The following MYBL2 variants were observed in gnomAD, a reference collection of about 807,000 sequenced individuals.
MYBL2 encodes the protein myb-related protein B.
A neutral mutation model predicts 79.9 loss-of-function variants in MYBL2; 28 were observed. That is an observed-to-expected ratio of 0.35 (90% CI 0.26 to 0.48). The LOEUF (loss-of-function observed/expected upper bound fraction) is 0.48, where lower values mean the gene tolerates loss of function less well. Ranked by LOEUF, MYBL2 falls within the 20% of genes least tolerant of loss-of-function variation. The probability of loss-of-function intolerance (pLI) is 0.99; values close to 1 mark genes in which losing one functional copy is unlikely to be tolerated. For synonymous variants in MYBL2, 378 were observed against 361.2 expected (o/e 1.05, Z -0.53); for missense variants, 735 against 893.9 (o/e 0.82, Z 2.27).
intron 2 of MYBL2, among the ~76,000 whole-genome samples, chr20:43,678,027 A>G (rs1987052185): frequency 6.6e-6 from 1 of 152,200 alleles, no homozygotes; most frequent in African/African-American, 2.4e-5. Flanking sequence ...GCTCTCTGAA[A>G]CGTGCTGTGT....
intron 2 of MYBL2, among the ~76,000 whole-genome samples, chr20:43,676,343 T>C (rs2145709205): frequency 6.7e-6 from 1 of 149,814 alleles, no homozygotes; most frequent in South Asian, 2.2e-4. Context: ...AGTGTTTGGC[T>C]CTTACTTATA....
chr20:43,704,339 A>G (rs1374630564), intron 8 of MYBL2, among the ~76,000 whole-genome samples: 1 of 152,156 alleles, frequency 6.6e-6, no homozygotes, highest in African/African-American at 2.4e-5. Context: ...TAAAGGCCCT[A>G]TCTCCAAGTA....
intron 2 of MYBL2, among the ~76,000 whole-genome samples, chr20:43,678,866 AAAAAAAAAG>A (rs1287472527): frequency 7.4e-6 from 1 of 135,188 alleles, no homozygotes; most frequent in South Asian, 2.4e-4. Context: ...TCAAAAAAAA[AAAAAAAAAG>A]AAAAAAACAT....
Position 43,673,789 on chromosome 20 carries a change from G to GC in MYBL2, c.21-15dup. ...ATGGACACACCATCCTTGACCCTTG[G>GC]CCTGCTTTCCCCATAGCGAGGATCT... is the stretch of plus-strand genomic sequence containing the variant. On this transcript the variant is annotated splice_polypyrimidine_tract_variant and intron_variant, in intron 1 of 13. Transcript: ENST00000217026. 1 of 1,572,146 alleles carries GC rather than the reference G, an allele frequency of 6.4e-7. No individual in the cohort carries two copies. Among genetic ancestry groups the GC allele is most frequent in the Non-Finnish European group, 8.6e-7 (1 of 1,157,492 alleles).
rs185688214 is a variant in MYBL2, at chr20:43,706,269, A to G, written c.1505+911A>G. Among the ~76,000 whole-genome samples, 494 of 152,300 alleles carry G rather than the reference A, an allele frequency of 3.2e-3. 1 individual carries two copies. Among genetic ancestry groups the G allele is most frequent in the African/African-American group, 0.011 (473 of 41,574 alleles). The stretch of plus-strand genomic sequence containing the variant: ...GCAGGGCGAAAGTGCCCATCCCTCT[A>G]TCAAGAGTGGAGACTGCATTCCTGT... On this transcript the variant is annotated intron_variant, in intron 9 of 13. Transcript: ENST00000217026.
chr20:43,700,181 A>G, intron 7 of MYBL2, 137 bp downstream of exon 7: 1 of 1,189,808 alleles, frequency 8.4e-7, no homozygotes, highest in Non-Finnish European at 1.2e-6. Context: ...CCTAGCCCTG[A>G]CCCAAGGGCT....
chr20:43,689,497 A>C (rs187438380), intron 5 of MYBL2, among the ~76,000 whole-genome samples: 1 of 152,098 alleles, frequency 6.6e-6, no homozygotes, highest in Admixed American at 6.5e-5. Flanking sequence ...AGCTCTTCTC[A>C]GAGCTCCTAG....
At chr20:43,692,714 G>A (rs1987442297) in intron 6 of MYBL2, among the ~76,000 whole-genome samples, 1 of 152,110 alleles carries the variant, frequency 6.6e-6, no homozygotes, top group African/African-American at 2.4e-5. Flanking sequence ...CGGGCGGATT[G>A]CTCAAGCCCA....
At chr20:43,693,658 G>C (rs979781846) in intron 6 of MYBL2, among the ~76,000 whole-genome samples, 1 of 152,088 alleles carries the variant, frequency 6.6e-6, no homozygotes, top group African/African-American at 2.4e-5. Flanking sequence ...TTTTAAAAAT[G>C]AAATCAGTAT....
intron 10 of MYBL2, 30 bp downstream of exon 10, chr20:43,710,092 C>T (rs750182819): frequency 1.3e-6 from 2 of 1,545,320 alleles, no homozygotes; most frequent in Admixed American, 3.6e-5. Context: ...CCGTGGATCT[C>T]TGCACAGTGG....
At position 43,705,293 on chromosome 20, in the gene MYBL2, C is replaced by T; in HGVS notation, c.1440C>T (p.Ser480=). Residue 480 remains serine, a synonymous_variant, in exon 9 of 14, where the codon AGC becomes AGT. Transcript: ENST00000217026. ...CGCTGACATCCACCCCAGTGTGCAG[C>T]CAGAAGGTGGTGGTCACCACACCAC... The part of the protein sequence containing the change: ...SPSLTSTPVC[S]QKVVVTTPLH... The T allele has an allele frequency of 6.2e-7, 1 of 1,614,100 alleles. No individual in the cohort carries two copies. Among genetic ancestry groups the T allele is most frequent in the Non-Finnish European group, 8.5e-7 (1 of 1,180,000 alleles).
chr20:43,670,540 A>G (rs965780093), intron 1 of MYBL2, among the ~76,000 whole-genome samples: 1 of 152,130 alleles, frequency 6.6e-6, no homozygotes, highest in African/African-American at 2.4e-5. Context: ...TTGTATATTC[A>G]GTCAGTCCCT....
At chr20:43,705,388 C>T (rs376550572) in intron 9 of MYBL2, 30 bp downstream of exon 9, 11 of 1,569,400 alleles carry the variant, frequency 7.0e-6, no homozygotes, top group African/African-American at 4.1e-5. Context: ...CAACCTTCGC[C>T]GTCCTCTCCC....
intron 4 of MYBL2, among the ~76,000 whole-genome samples, chr20:43,684,578 G>A (rs1987223590): frequency 6.9e-6 from 1 of 144,730 alleles, no homozygotes; most frequent in Non-Finnish European, 1.5e-5. Context: ...GTCTTCCTAT[G>A]TTTTCCAGGC....
chr20:43,674,234 C>CTTTTTT (rs1555809925), intron 2 of MYBL2, among the ~76,000 whole-genome samples: 1 of 72,230 alleles, frequency 1.4e-5, no homozygotes. Context: ...TCCCCCCACC[C>CTTTTTT]TTTTTTTTTT....
intron 2 of MYBL2, among the ~76,000 whole-genome samples, chr20:43,675,143 C>G (rs1021699731): frequency 6.6e-6 from 1 of 151,580 alleles, no homozygotes; most frequent in African/African-American, 2.4e-5. Flanking sequence ...CCACGCCTGG[C>G]TAATTTTTGT....
intron 2 of MYBL2, among the ~76,000 whole-genome samples, chr20:43,676,600 C>T (rs1987015158): frequency 6.6e-6 from 1 of 152,176 alleles, no homozygotes; most frequent in South Asian, 2.1e-4. Context: ...CAGTTTTTGG[C>T]TATCGTGTAT....
chr20:43,681,657 T>G (rs12625831), intron 2 of MYBL2, 127 bp from the exon 3 acceptor site: 1 of 936,832 alleles, frequency 1.1e-6, no homozygotes, highest in Non-Finnish European at 1.7e-6. Flanking sequence ...CCTGGCACCT[T>G]GTACGTATTC....
intron 9 of MYBL2, among the ~76,000 whole-genome samples, chr20:43,708,465 T>C (rs1987837494): frequency 6.6e-6 from 1 of 152,086 alleles, no homozygotes; most frequent in Non-Finnish European, 1.5e-5. Context: ...ACAAGGTCTC[T>C]CTTAGTCACC....
Sources: gnomAD v4.1 joint callset for allele counts (sites outside exome capture counted in the v4.1 genomes callset) on GRCh38, gnomAD v4.1.1 for gene constraint, MANE v1.5 for transcripts, NCBI Gene and HGNC (gene_info 2026-07-23, HGNC 2026-07-21) for gene names.